ZNF385B: variants seen among roughly 807,000 people sequenced by gnomAD.
ZNF385B encodes zinc finger protein 385B.
Under a neutral mutation model 39.2 loss-of-function variants are expected in ZNF385B, and 23 were observed. The observed-to-expected ratio is 0.59, with a 90% CI of 0.42 to 0.83. ZNF385B has a LOEUF of 0.83. Ranked by LOEUF, ZNF385B falls within the 40% of genes least tolerant of loss-of-function variation. The probability of loss-of-function intolerance (pLI) is 0.00; values close to 1 mark genes in which losing one functional copy is unlikely to be tolerated. For missense variants in ZNF385B, 552 were observed against 598.9 expected (o/e 0.92, Z 0.82); for synonymous variants, 205 against 222.6 (o/e 0.92, Z 0.70).
intron 6 of ZNF385B, among the ~76,000 whole-genome samples, chr2:179,477,702 A>T (rs1245129046): frequency 6.6e-6 from 1 of 152,290 alleles, no homozygotes; most frequent in South Asian, 2.1e-4. Flanking sequence ...CTAGACATGT[A>T]AAGTCTGTAA....
chr2:179,853,185 G>A (rs1025347385), intron 1 of ZNF385B, among the ~76,000 whole-genome samples: 5 of 152,010 alleles, frequency 3.3e-5, no homozygotes, highest in African/African-American at 7.3e-5. Flanking sequence ...ATGAACCCAG[G>A]AGAGGTGACT....
intron 1 of ZNF385B, among the ~76,000 whole-genome samples, chr2:179,843,954 C>T (rs1019606225): frequency 3.9e-5 from 6 of 152,198 alleles, no homozygotes; most frequent in African/African-American, 1.2e-4. Flanking sequence ...GAGACAGCAA[C>T]CCCATTCAGT....
At chr2:179,454,419 G>C (rs893645944) in intron 6 of ZNF385B, among the ~76,000 whole-genome samples, 1 of 152,132 alleles carries the variant, frequency 6.6e-6, no homozygotes, top group Non-Finnish European at 1.5e-5. Flanking sequence ...TATAATACTT[G>C]ATAATAATAA....
chr2:179,757,970 C>T (rs111508322), intron 3 of ZNF385B, among the ~76,000 whole-genome samples: 7,354 of 152,058 alleles, frequency 0.048, 256 homozygotes, highest in Middle Eastern at 0.099. Flanking sequence ...CTCACTGTCC[C>T]GCACCCACTG....
At chr2:179,849,568 G>A (rs1708974268) in intron 1 of ZNF385B, among the ~76,000 whole-genome samples, 1 of 152,172 alleles carries the variant, frequency 6.6e-6, no homozygotes, top group Non-Finnish European at 1.5e-5. Flanking sequence ...GATTAGTATT[G>A]GGAAGGTAGG....
intron 1 of ZNF385B, among the ~76,000 whole-genome samples, chr2:179,857,027 T>C (rs932192923): frequency 6.6e-6 from 1 of 152,168 alleles, no homozygotes; most frequent in African/African-American, 2.4e-5. Context: ...ACCTGGGAGC[T>C]TGTGAGAAAG....
intron 3 of ZNF385B, among the ~76,000 whole-genome samples, chr2:179,698,181 TA>T (rs34737779): frequency 6.1e-5 from 9 of 148,616 alleles, no homozygotes; most frequent in African/African-American, 2.0e-4. Context: ...AAAGTATAAT[TA>T]AAAAAAAAAA....
At chr2:179,557,461 GTTTAT>G (rs1276581570) in intron 3 of ZNF385B, among the ~76,000 whole-genome samples, 6 of 151,138 alleles carry the variant, frequency 4.0e-5, no homozygotes, top group African/African-American at 7.3e-5. Context: ...GATTATAACA[GTTTAT>G]TTTATTTTAT....
At chr2:179,683,728 G>A (rs1394590384) in intron 3 of ZNF385B, among the ~76,000 whole-genome samples, 2 of 152,024 alleles carry the variant, frequency 1.3e-5, no homozygotes, top group African/African-American at 2.4e-5. Flanking sequence ...CACCCGCCTC[G>A]GCCTCCCAAA....
chr2:179,800,714 A>C (rs1297838061), intron 1 of ZNF385B, among the ~76,000 whole-genome samples: 2 of 152,048 alleles, frequency 1.3e-5, no homozygotes, highest in African/African-American at 2.4e-5. Flanking sequence ...AAACACACTC[A>C]GAAGCAGAGA....
At chr2:179,727,790 T>C (rs2106419602) in intron 3 of ZNF385B, among the ~76,000 whole-genome samples, 1 of 152,142 alleles carries the variant, frequency 6.6e-6, no homozygotes, top group Admixed American at 6.5e-5. Context: ...AAAGATACCA[T>C]AAAGTGACAG....
intron 3 of ZNF385B, among the ~76,000 whole-genome samples, chr2:179,585,644 T>C (rs1263378766): frequency 6.6e-6 from 1 of 152,218 alleles, no homozygotes; most frequent in Non-Finnish European, 1.5e-5. Context: ...TTTCAGTATG[T>C]AATCTAACAG....
intron 3 of ZNF385B, among the ~76,000 whole-genome samples, chr2:179,652,862 T>C (rs1234559704): frequency 2.0e-5 from 2 of 99,686 alleles, no homozygotes; most frequent in African/African-American, 7.3e-5. Flanking sequence ...AAAAAAAAAA[T>C]CATCAGAAGA....
At chr2:179,516,827 C>T (rs1357141745) in intron 5 of ZNF385B, among the ~76,000 whole-genome samples, 1 of 149,842 alleles carries the variant, frequency 6.7e-6, no homozygotes, top group Non-Finnish European at 1.5e-5. Context: ...AATGCAAAGC[C>T]AAATAGATTT....
At chr2:179,589,452 G>A (rs1011837175) in intron 3 of ZNF385B, among the ~76,000 whole-genome samples, 7 of 152,118 alleles carry the variant, frequency 4.6e-5, no homozygotes, top group African/African-American at 1.2e-4. Flanking sequence ...AAGAAGTCTC[G>A]GAAAAGGGAG....
At position 179,807,930 on chromosome 2, in the gene ZNF385B, G is replaced by GA. The variant is rs879383302; in HGVS notation, c.-154-37259dup. On this transcript the variant is annotated intron_variant, in intron 1 of 9. Coordinates refer to ENST00000410066, the MANE Select transcript of ZNF385B (RefSeq NM_152520.6). ...AGAAAGAAAGAAAGAAAGAAAGAAA[G>GA]AAGGAAGGAAGGAAGGAAGGAAAGA... Among the ~76,000 whole-genome samples, 1,048 of 125,008 alleles carry GA rather than the reference G, an allele frequency of 8.4e-3. 9 individuals are homozygous for GA. The highest frequency in any genetic ancestry group is 0.023 in the African/African-American group (812 of 34,582). The allele number at this position is 125,008 out of a possible 152,430, so 82.0% of individuals were successfully genotyped here.
At chr2:179,644,157 A>G (rs186696987) in intron 3 of ZNF385B, among the ~76,000 whole-genome samples, 3 of 152,232 alleles carry the variant, frequency 2.0e-5, no homozygotes, top group East Asian at 1.9e-4. Context: ...TCTAACTACT[A>G]TATAGGAAAG....
intron 3 of ZNF385B, among the ~76,000 whole-genome samples, chr2:179,573,614 G>T (rs560949432): frequency 6.6e-6 from 1 of 151,948 alleles, no homozygotes; most frequent in Non-Finnish European, 1.5e-5. Flanking sequence ...TAGATTAAAA[G>T]CTAAATTTAA....
intron 1 of ZNF385B, among the ~76,000 whole-genome samples, chr2:179,831,147 T>C (rs984023740): frequency 6.6e-6 from 1 of 152,192 alleles, no homozygotes; most frequent in Admixed American, 6.5e-5. Flanking sequence ...AATGCCTGGA[T>C]TGTATGGACT....
Sources: gnomAD v4.1 joint callset for allele counts (sites outside exome capture counted in the v4.1 genomes callset) on GRCh38, gnomAD v4.1.1 for gene constraint, MANE v1.5 for transcripts, NCBI Gene and HGNC (gene_info 2026-07-23, HGNC 2026-07-21) for gene names.